The following OCA2 variants were observed in gnomAD, a reference collection of about 807,000 sequenced individuals.
OCA2 encodes the protein P protein.
A neutral mutation model predicts 100.2 loss-of-function variants in OCA2; 77 were observed. The observed-to-expected ratio is 0.77, with a 90% CI of 0.64 to 0.93. OCA2 has a LOEUF of 0.93. OCA2 is among the 40% of genes least tolerant of loss of function. OCA2 has a pLI of 0.00. For synonymous variants in OCA2, 432 were observed against 439.2 expected, an observed-to-expected ratio of 0.98 and a Z score of 0.21; for missense variants, 1,062 against 1,089.1, an observed-to-expected ratio of 0.98 and a Z score of 0.35.
chr15:27,741,622 G>C, the OCA2 span, among the ~76,000 whole-genome samples: 1 of 152,150 alleles, frequency 6.6e-6, no homozygotes, highest in Non-Finnish European at 1.5e-5. Context: ...TTATTTATGA[G>C]GGTCTGTGCC....
intron 2 of OCA2, 90 bp downstream of exon 2, chr15:28,081,558 T>G (rs867880552): frequency 7.5e-7 from 1 of 1,337,998 alleles, no homozygotes. Flanking sequence ...TCTGGAAATT[T>G]TTCCCACAAC....
chr15:27,863,655 G>A (rs534526246), intron 21 of OCA2, among the ~76,000 whole-genome samples: 5 of 152,210 alleles, frequency 3.3e-5, no homozygotes, highest in South Asian at 4.1e-4. Context: ...TCATGGCCAC[G>A]CTGGGTCCCC....
At chr15:27,822,187 G>A (rs2034535038) in intron 23 of OCA2, among the ~76,000 whole-genome samples, 1 of 152,144 alleles carries the variant, frequency 6.6e-6, no homozygotes, top group South Asian at 2.1e-4. Context: ...GTCCCCTCAT[G>A]AGTCCCCTAA....
intron 2 of OCA2, among the ~76,000 whole-genome samples, chr15:28,049,612 T>C (rs2043447871): frequency 2.6e-5 from 4 of 152,120 alleles, no homozygotes; most frequent in Admixed American, 2.6e-4. Flanking sequence ...ATACACACAA[T>C]GAAACATCAT....
chr15:27,921,307 A>G (rs2038849817), intron 19 of OCA2, among the ~76,000 whole-genome samples: 1 of 152,166 alleles, frequency 6.6e-6, no homozygotes, highest in African/African-American at 2.4e-5. Flanking sequence ...ACAGATTTGG[A>G]CTGGTGAAAG....
Position 27,913,879 on chromosome 15 carries a change from G to GAAAGAA in OCA2, c.2079+12242_2079+12247dup, listed in dbSNP as rs1567098075. Among the ~76,000 whole-genome samples, 12 of 52,868 alleles carry GAAAGAA rather than the reference G, an allele frequency of 2.3e-4. 1 individual carries two copies. The highest frequency in any genetic ancestry group is 4.8e-4 in the Admixed American group (2 of 4,144). The allele number at this position is 52,868 out of a possible 152,430, so 34.7% of individuals were successfully genotyped here. A position where few individuals can be genotyped will look rare whatever the true frequency, so the allele number is the denominator to read the frequency against. ...AGAAAGAAAGAAAGAAAGAAAGAAA[G>GAAAGAA]AAAGAAAGAAAGAAAGCAAGCAAGC... On this transcript the variant is annotated intron_variant, in intron 19 of 23. Transcript: ENST00000354638.
At chr15:28,025,239 C>T (rs2042714498) in intron 4 of OCA2, among the ~76,000 whole-genome samples, 1 of 152,192 alleles carries the variant, frequency 6.6e-6, no homozygotes, top group Non-Finnish European at 1.5e-5. Flanking sequence ...AATGCCTTAT[C>T]TTGTCTCTCT....
chr15:27,732,706 T>C, the OCA2 span, among the ~76,000 whole-genome samples: 1 of 152,184 alleles, frequency 6.6e-6, no homozygotes, highest in African/African-American at 2.4e-5. Flanking sequence ...TGTGATAGGA[T>C]AGCACTCTGC....
chr15:27,748,405 A>G, the OCA2 span, among the ~76,000 whole-genome samples: 107 of 152,262 alleles, frequency 7.0e-4, no homozygotes, highest in African/African-American at 2.4e-3. Context: ...CACATCCTCA[A>G]GCAGCATCAG....
At chr15:27,883,646 C>A (rs35749652) in intron 19 of OCA2, among the ~76,000 whole-genome samples, 1,954 of 152,228 alleles carry the variant, frequency 0.013, 38 homozygotes, top group African/African-American at 0.04. Context: ...CTGCCTTCAG[C>A]CGGCATTTGA....
rs527594230 is a variant in OCA2, at chr15:27,976,938, C to G, written c.1503+6407G>C. 3.1e-4 allele frequency among the ~76,000 whole-genome samples: 45 copies of G among 146,172 alleles called. 1 individual carries two copies. In the East Asian group the frequency reaches 8.6e-3, roughly 28 times the overall value. On this transcript the variant is annotated intron_variant, in intron 14 of 23. Coordinates refer to ENST00000354638, the MANE Select transcript of OCA2 (RefSeq NM_000275.3). Reference sequence around the variant, plus strand: ...GTTTTTAACTACATATTTGATTCTTCTATAGATACAGGGCTACTCAGGTTA... The same window carrying G: ...GTTTTTAACTACATATTTGATTCTTGTATAGATACAGGGCTACTCAGGTTA...
chr15:27,969,540 A>G (rs1002848506), intron 14 of OCA2, among the ~76,000 whole-genome samples: 3 of 152,226 alleles, frequency 2.0e-5, no homozygotes, highest in Non-Finnish European at 4.4e-5. Context: ...ACTCACATCA[A>G]TTCAGCGCCT....
intron 19 of OCA2, chr15:27,895,858 A>G: frequency 1.8e-6 from 1 of 549,190 alleles, no homozygotes; most frequent in Non-Finnish European, 3.3e-6. Flanking sequence ...ACAGGATGAT[A>G]GTTTGTGTAA....
intron 9 of OCA2, among the ~76,000 whole-genome samples, chr15:27,999,470 G>A (rs983804593): frequency 2.0e-5 from 3 of 152,074 alleles, no homozygotes; most frequent in African/African-American, 4.8e-5. Context: ...GTACCACAAC[G>A]TAATAAAGAC....
chr15:27,955,113 T>C, intron 17 of OCA2, 45 bp downstream of exon 17: 1 of 1,376,742 alleles, frequency 7.3e-7, no homozygotes, highest in Non-Finnish European at 1.0e-6. Flanking sequence ...CACTCTCTTC[T>C]TGGAGAAGTG....
At chr15:27,807,970 A>G (rs966482645) in intron 23 of OCA2, among the ~76,000 whole-genome samples, 2 of 152,220 alleles carry the variant, frequency 1.3e-5, no homozygotes, top group African/African-American at 4.8e-5. Flanking sequence ...TCCTTGCTCC[A>G]CGACTTCACA....
chr15:28,008,621 T>C (rs892709634), intron 9 of OCA2, among the ~76,000 whole-genome samples: 11 of 152,218 alleles, frequency 7.2e-5, no homozygotes, highest in African/African-American at 2.4e-4. Context: ...TCTCCTTTGT[T>C]TGGTATACTC....
Position 27,910,916 on chromosome 15 carries a change from A to T in OCA2, c.2079+15211T>A, listed in dbSNP as rs551101462. 5.9e-5 allele frequency among the ~76,000 whole-genome samples: 9 copies of T among 152,124 alleles called. No individual in the cohort carries two copies. In the East Asian group the frequency reaches 1.7e-3, roughly 29 times the overall value. On this transcript the variant is annotated intron_variant, in intron 19 of 23. Transcript: ENST00000354638. The stretch of plus-strand genomic sequence containing the variant: ...GGTTGCAGTGAGCCGAGATCATGCC[A>T]CTGCACTCCAGCCTGGGCAACAGAG...
At chr15:27,769,710 GC>G (rs1382705187) in intron 23 of OCA2, among the ~76,000 whole-genome samples, 2 of 152,178 alleles carry the variant, frequency 1.3e-5, no homozygotes, top group Non-Finnish European at 2.9e-5. Context: ...TTTGGCTGTC[GC>G]CCTTCTACAA....
Sources: allele counts gnomAD v4.1 joint callset (sites outside exome capture counted in the v4.1 genomes callset), GRCh38; gene constraint gnomAD v4.1.1; transcripts MANE v1.5; gene names NCBI Gene and HGNC (gene_info 2026-07-23, HGNC 2026-07-21).